Variants in MAGI2 observed in about 807,000 individuals in gnomAD.
MAGI2 encodes the protein membrane-associated guanylate kinase, WW and PDZ domain-containing protein 2.
A neutral mutation model predicts 133.3 loss-of-function variants in MAGI2; 35 were observed. The ratio of observed to expected loss-of-function variants is 0.26; its 90% CI spans 0.20 to 0.35. The LOEUF (loss-of-function observed/expected upper bound fraction) is 0.35. Among genes scored for constraint, MAGI2 ranks in the 10% least tolerant of loss-of-function variants. The probability of loss-of-function intolerance (pLI) is 1.00; values close to 1 mark genes in which losing one functional copy is unlikely to be tolerated. For missense variants in MAGI2, 1,636 were observed against 1,863.4 expected, an observed-to-expected ratio of 0.88 and a Z score of 2.25; for synonymous variants, 729 against 710.6, an observed-to-expected ratio of 1.03 and a Z score of -0.41.
At chr7:78,435,617 A>C (rs542671186) in intron 6 of MAGI2, among the ~76,000 whole-genome samples, 4 of 152,258 alleles carry the variant, frequency 2.6e-5, no homozygotes, top group African/African-American at 9.6e-5. Context: ...ACATGCCTGC[A>C]GGCACCAAAG....
At chr7:78,364,658 G>A (rs549903600) in intron 7 of MAGI2, among the ~76,000 whole-genome samples, 8 of 152,288 alleles carry the variant, frequency 5.3e-5, no homozygotes, top group African/African-American at 1.7e-4. Flanking sequence ...CATGAAAGCT[G>A]TCCCAGCAAA....
At chr7:78,581,453 A>G (rs1178386414) in intron 3 of MAGI2, among the ~76,000 whole-genome samples, 1 of 152,222 alleles carries the variant, frequency 6.6e-6, no homozygotes, top group Non-Finnish European at 1.5e-5. Context: ...GCATAGCAGT[A>G]TATGGTTAGA....
intron 7 of MAGI2, chr7:78,348,524 C>G (rs988936825): frequency 1.3e-5 from 2 of 152,114 alleles, no homozygotes; most frequent in Non-Finnish European, 2.9e-5. Flanking sequence ...CCTTCCCTCA[C>G]TCCTCCCAGC....
chr7:78,243,884 A>G (rs1461179885), intron 10 of MAGI2, among the ~76,000 whole-genome samples: 4 of 152,116 alleles, frequency 2.6e-5, no homozygotes, highest in Non-Finnish European at 5.9e-5. Context: ...ACCCCAAACA[A>G]CAGTGTCCTT....
chr7:79,066,845 A>T (rs942648818), intron 1 of MAGI2, among the ~76,000 whole-genome samples: 1 of 152,010 alleles, frequency 6.6e-6, no homozygotes, highest in South Asian at 2.1e-4. Flanking sequence ...AGTTTTCCCA[A>T]CACCATTCAT....
chr7:78,483,015 G>GTA (rs3086372), intron 6 of MAGI2, among the ~76,000 whole-genome samples: 61,625 of 150,142 alleles, frequency 0.41, 13,522 homozygotes, highest in East Asian at 0.68. Flanking sequence ...CATGTATATT[G>GTA]TATATATGTA....
chr7:78,212,466 C>T (rs1049906115), intron 10 of MAGI2, among the ~76,000 whole-genome samples: 11 of 152,130 alleles, frequency 7.2e-5, no homozygotes, highest in African/African-American at 9.7e-5. Context: ...CCTGAAGATA[C>T]GGGAAGGGTG....
At chr7:79,257,657 T>A (rs559552825) in intron 1 of MAGI2, among the ~76,000 whole-genome samples, 8 of 152,306 alleles carry the variant, frequency 5.3e-5, no homozygotes, top group African/African-American at 1.7e-4. Flanking sequence ...ACAGTGAGCA[T>A]CTTTTGAAAG....
At chr7:79,229,771 T>C (rs1585262271) in intron 1 of MAGI2, among the ~76,000 whole-genome samples, 1 of 151,176 alleles carries the variant, frequency 6.6e-6, no homozygotes, top group African/African-American at 2.4e-5. Flanking sequence ...AAAAATATTC[T>C]TTTTTTTTAA....
chr7:78,628,913 AAC>A (rs1413937123), intron 2 of MAGI2, among the ~76,000 whole-genome samples: 3 of 151,634 alleles, frequency 2.0e-5, no homozygotes, highest in African/African-American at 7.3e-5. Flanking sequence ...GTTTATTTAG[AAC>A]ACACTCCAAT....
In MAGI2 at chr7:78,733,759, A is replaced by C. The variant is rs907891685; in HGVS notation, c.419-106520T>G. Among the ~76,000 whole-genome samples the C allele has an allele frequency of 8.5e-5, 13 of 152,304 alleles. 1 individual carries two copies. The highest frequency in any genetic ancestry group is 6.8e-3 in the Middle Eastern group (2 of 294). On this transcript the variant is annotated intron_variant, in intron 2 of 21. Transcript: ENST00000354212. The stretch of plus-strand genomic sequence containing the variant: ...ATGTCAAGCCATCAGTAAGACATTC[A>C]TGCCTTTAAGGAATAAACTCAGTAT...
intron 1 of MAGI2, among the ~76,000 whole-genome samples, chr7:79,045,075 T>C (rs1227582192): frequency 6.6e-6 from 1 of 152,202 alleles, no homozygotes; most frequent in Non-Finnish European, 1.5e-5. Flanking sequence ...GAAGTACTTC[T>C]CAGGAACACA....
intron 1 of MAGI2, among the ~76,000 whole-genome samples, chr7:79,020,289 A>T (rs550278134): frequency 6.6e-6 from 1 of 152,316 alleles, no homozygotes; most frequent in East Asian, 1.9e-4. Context: ...TCAACATGTG[A>T]CTTTGGTGCT....
At chr7:78,093,750 C>T (rs1269822287) in intron 20 of MAGI2, among the ~76,000 whole-genome samples, 1 of 152,154 alleles carries the variant, frequency 6.6e-6, no homozygotes, top group Admixed American at 6.6e-5. Flanking sequence ...GATACTTATG[C>T]CACGAGATAC....
intron 2 of MAGI2, among the ~76,000 whole-genome samples, chr7:78,774,374 A>G (rs1015886): frequency 0.5 from 76,382 of 151,968 alleles, 19,463 homozygotes; most frequent in East Asian, 0.67. Flanking sequence ...GCAATATCAT[A>G]AACATAGGAA....
chr7:79,185,346 T>C lies in MAGI2; in HGVS notation c.302-178140A>G, dbSNP rs540501550. Among the ~76,000 whole-genome samples the C allele has an allele frequency of 2.0e-5, 3 of 151,718 alleles. No individual in the cohort carries two copies. The South Asian group carries it at 6.2e-4, about 32-fold the overall frequency. Reference sequence around the variant, plus strand: ...AAAACCGCATCTCTATTATGAAAAATTTCAAACATGTTTTTCAAAAAGAGA... The same window carrying C: ...AAAACCGCATCTCTATTATGAAAAACTTCAAACATGTTTTTCAAAAAGAGA... On this transcript the variant is annotated intron_variant, in intron 1 of 21. Transcript: ENST00000354212.
intron 3 of MAGI2, among the ~76,000 whole-genome samples, chr7:78,587,788 T>C (rs1457916686): frequency 6.6e-6 from 1 of 152,230 alleles, no homozygotes; most frequent in Non-Finnish European, 1.5e-5. Context: ...TATGGTAAAT[T>C]CAAGGCAATT....
intron 9 of MAGI2, among the ~76,000 whole-genome samples, chr7:78,271,466 C>A (rs1584654479): frequency 6.6e-6 from 1 of 152,170 alleles, no homozygotes; most frequent in South Asian, 2.1e-4. Context: ...ATGCTGTCCT[C>A]ATAAAATGAA....
chr7:79,299,770 G>C (rs1837248538), intron 1 of MAGI2, among the ~76,000 whole-genome samples: 2 of 152,072 alleles, frequency 1.3e-5, no homozygotes, highest in Non-Finnish European at 1.5e-5. Flanking sequence ...TAGAGGAGGG[G>C]CCTAGTGGGA....
Sources: allele counts gnomAD v4.1 joint callset (sites outside exome capture counted in the v4.1 genomes callset), GRCh38; gene constraint gnomAD v4.1.1; transcripts MANE v1.5; gene names NCBI Gene and HGNC (gene_info 2026-07-23, HGNC 2026-07-21).